MCU: variants seen among roughly 807,000 people sequenced by gnomAD.
MCU encodes the protein mitochondrial calcium uniporter.
In MCU, 12 loss-of-function variants were observed where a neutral mutation model predicts 45.2. The ratio of observed to expected loss-of-function variants is 0.27; its 90% confidence interval spans 0.17 to 0.43. MCU has a LOEUF of 0.43. Ranked by LOEUF, MCU falls within the 20% of genes least tolerant of loss-of-function variation. The pLI, the probability that MCU is intolerant of heterozygous loss-of-function variation, is 1.00. For synonymous variants in MCU, 160 were observed against 165.1 expected (o/e 0.97, Z 0.24); for missense variants, 324 against 436.7 (o/e 0.74, Z 2.30).
At chr10:72,733,703 A>ATTT (rs1257977818) in intron 1 of MCU, among the ~76,000 whole-genome samples, 5 of 128,168 alleles carry the variant, frequency 3.9e-5, no homozygotes, top group African/African-American at 1.4e-4. Flanking sequence ...ATATATATAT[A>ATTT]TTTTTTTAAA....
chr10:72,709,834 T>G (rs1207245298), intron 1 of MCU, among the ~76,000 whole-genome samples: 1 of 152,196 alleles, frequency 6.6e-6, no homozygotes, highest in Non-Finnish European at 1.5e-5. Flanking sequence ...TTCATTTACT[T>G]AATGGACAGC....
intron 2 of MCU, among the ~76,000 whole-genome samples, chr10:72,855,896 G>A (rs1845283148): frequency 1.3e-5 from 2 of 152,158 alleles, no homozygotes; most frequent in Admixed American, 6.5e-5. Context: ...TAAAAGGATA[G>A]GGAAAGATAT....
intron 1 of MCU, among the ~76,000 whole-genome samples, chr10:72,782,343 G>C (rs1174524671): frequency 6.6e-6 from 1 of 151,948 alleles, no homozygotes; most frequent in Non-Finnish European, 1.5e-5. Flanking sequence ...TTTCTAACTC[G>C]TACATAATCC....
chr10:72,743,119 G>T (rs1843359037), intron 1 of MCU, among the ~76,000 whole-genome samples: 1 of 151,754 alleles, frequency 6.6e-6, no homozygotes, highest in African/African-American at 2.4e-5. Context: ...GAAAAGTGAG[G>T]GGTTTTGGGC....
At chr10:72,789,382 T>G (rs1334546916) in intron 1 of MCU, among the ~76,000 whole-genome samples, 1 of 152,200 alleles carries the variant, frequency 6.6e-6, no homozygotes, top group Non-Finnish European at 1.5e-5. Context: ...AATTATAATA[T>G]AACATTCCCA....
chr10:72,834,522 C>G (rs541767260), intron 2 of MCU, 94 bp downstream of exon 2: 1 of 1,057,544 alleles, frequency 9.5e-7, no homozygotes, highest in Non-Finnish European at 1.4e-6. Flanking sequence ...ATAAACCATA[C>G]TCTTTCAGTT....
rs1843451820 is a variant in MCU, at chr10:72,748,776, T to C, written c.150+56475T>C. Among the ~76,000 whole-genome samples, 3 of 152,342 alleles carry C rather than the reference T, an allele frequency of 2.0e-5. No individual in the cohort carries two copies. The South Asian group carries it at 6.2e-4, about 32-fold the overall frequency. Reference sequence around the variant, plus strand: ...GAAGGACATCCTGATCCATGTTTGTTACAGTCTCAAGAAAATAATTATAAT... The same window carrying C: ...GAAGGACATCCTGATCCATGTTTGTCACAGTCTCAAGAAAATAATTATAAT... On this transcript the variant is annotated intron_variant, in intron 1 of 7. Coordinates refer to ENST00000373053, the MANE Select transcript of MCU (RefSeq NM_138357.3).
intron 1 of MCU, among the ~76,000 whole-genome samples, chr10:72,713,949 G>T (rs1842925036): frequency 6.9e-5 from 1 of 14,468 alleles, no homozygotes; most frequent in Admixed American, 7.0e-4. Flanking sequence ...TTCATCATTT[G>T]TGTGTGTGTG....
intron 1 of MCU, among the ~76,000 whole-genome samples, chr10:72,745,302 C>T (rs548380606): frequency 3.3e-5 from 5 of 152,250 alleles, no homozygotes; most frequent in African/African-American, 1.2e-4. Flanking sequence ...GATCTCAGCT[C>T]ACTGCAACCT....
intron 1 of MCU, among the ~76,000 whole-genome samples, chr10:72,831,136 G>A (rs1844872206): frequency 6.6e-6 from 1 of 152,190 alleles, no homozygotes; most frequent in South Asian, 2.1e-4. Flanking sequence ...TTACAGAGAA[G>A]AATATGAATC....
intron 4 of MCU, chr10:72,861,864 A>G (rs1845382256): frequency 3.5e-6 from 1 of 289,368 alleles, no homozygotes; most frequent in African/African-American, 2.3e-5. Context: ...ATGATGAACA[A>G]AATTTTAAAT....
chr10:72,828,493 C>T (rs1313597970), intron 1 of MCU, among the ~76,000 whole-genome samples: 1 of 152,064 alleles, frequency 6.6e-6, no homozygotes, highest in Non-Finnish European at 1.5e-5. Context: ...TCCCTCCCTT[C>T]CTCCCCCTCA....
At chr10:72,708,700 TG>T (rs1842853517) in intron 1 of MCU, among the ~76,000 whole-genome samples, 1 of 152,122 alleles carries the variant, frequency 6.6e-6, no homozygotes, top group African/African-American at 2.4e-5. Flanking sequence ...GATACTACAG[TG>T]ATGGGAATTA....
Position 72,698,623 on chromosome 10 carries a change from G to A in MCU, c.150+6322G>A, listed in dbSNP as rs527686318. Among the ~76,000 whole-genome samples, 98 of 152,254 alleles carry A rather than the reference G, an allele frequency of 6.4e-4. No individual in the cohort carries two copies. The South Asian group carries it at 0.02, about 32-fold the overall frequency. Reference sequence around the variant, plus strand: ...GGGTTCAAGCAATTCTTCTGCCTTAGCCTCCCGAGTAGATGGGGCTAAAGG... The same window carrying A: ...GGGTTCAAGCAATTCTTCTGCCTTAACCTCCCGAGTAGATGGGGCTAAAGG... On this transcript the variant is annotated intron_variant, in intron 1 of 7. Coordinates refer to ENST00000373053, the MANE Select transcript of MCU (RefSeq NM_138357.3).
intron 1 of MCU, among the ~76,000 whole-genome samples, chr10:72,744,775 T>C (rs1843387183): frequency 6.6e-6 from 1 of 152,232 alleles, no homozygotes. Flanking sequence ...CTCTTTGAGC[T>C]ACCCTGCAGA....
At chr10:72,867,312 A>G (rs563797466) in intron 4 of MCU, among the ~76,000 whole-genome samples, 61 of 152,278 alleles carry the variant, frequency 4.0e-4, no homozygotes, top group Admixed American at 7.2e-4. Context: ...CTTAAAAAAA[A>G]TTGACAGCTT....
intron 1 of MCU, chr10:72,715,331 G>A (rs1429070230): frequency 2.0e-5 from 4 of 203,738 alleles, no homozygotes; most frequent in African/African-American, 9.5e-5. Context: ...CTTGATCCTT[G>A]TGGGCTGGCT....
chr10:72,884,719 CT>C (rs1845753783), intron 7 of MCU, among the ~76,000 whole-genome samples: 1 of 136,286 alleles, frequency 7.3e-6, no homozygotes, highest in Non-Finnish European at 1.6e-5. Flanking sequence ...TTGATTATTT[CT>C]GTAATAATTT....
intron 1 of MCU, among the ~76,000 whole-genome samples, chr10:72,794,188 G>C (rs1844210399): frequency 2.6e-5 from 4 of 151,894 alleles, no homozygotes. Context: ...CAACTTCTTG[G>C]GAGTCATTCC....
Sources: allele counts gnomAD v4.1 joint callset (sites outside exome capture counted in the v4.1 genomes callset), GRCh38; gene constraint gnomAD v4.1.1; transcripts MANE v1.5; gene names NCBI Gene and HGNC (gene_info 2026-07-23, HGNC 2026-07-21).